The following CHRNB2 variants were observed in gnomAD, a reference collection of about 807,000 sequenced individuals.
CHRNB2 encodes the protein cholinergic receptor nicotinic beta 2 subunit.
A neutral mutation model predicts 42.7 loss-of-function variants in CHRNB2; 33 were observed. The observed-to-expected ratio is 0.77, with a 90% CI of 0.59 to 1.03. The LOEUF (loss-of-function observed/expected upper bound fraction) is 1.03, where lower values mean the gene tolerates loss of function less well. Among genes scored for constraint, CHRNB2 ranks in the 50% least tolerant of loss-of-function variants. The pLI is 0.00. For synonymous variants in CHRNB2, 325 were observed against 292.9 expected (o/e 1.11, Z -1.12); for missense variants, 603 against 700.9 (o/e 0.86, Z 1.58).
intron 5 of CHRNB2, among the ~76,000 whole-genome samples, chr1:154,573,150 A>C (rs1235183577): frequency 2.6e-5 from 4 of 152,162 alleles, no homozygotes; most frequent in Admixed American, 1.3e-4. Context: ...AGCTTGGACC[A>C]GGGAGCATAC....
At chr1:154,574,670 TGTTTGCCA>T (rs1417736615) in intron 5 of CHRNB2, among the ~76,000 whole-genome samples, 1 of 152,218 alleles carries the variant, frequency 6.6e-6, no homozygotes, top group Non-Finnish European at 1.5e-5. Flanking sequence ...CTCAATCCTT[TGTTTGCCA>T]GTGTGGAATT....
At position 154,571,723 on chromosome 1, in the gene CHRNB2, C is replaced by T; in HGVS notation, c.900C>T (p.Tyr300=). Residue 300 remains tyrosine, a synonymous_variant, in exon 5 of 6, where the codon TAC becomes TAT. Transcript: ENST00000368476. The surrounding 1 kb of genome is among the most constrained non-coding windows in gnomAD (Gnocchi z 6.8). ...TCGACGTGCCGCTCGTCGGCAAGTA[C>T]CTCATGTTCACCATGGTGCTTGTCA... ...TSLDVPLVGK[Y]LMFTMVLVTF... is the part of the protein sequence containing the mutation. 1 of 1,614,252 alleles carries T rather than the reference C, an allele frequency of 6.2e-7. No homozygotes were observed. The highest frequency in any genetic ancestry group is 2.2e-5 in the East Asian group (1 of 44,888).
chr1:154,576,496 G>A lies in CHRNB2; in HGVS notation c.*564G>A, dbSNP rs199934611. On this transcript the variant is annotated 3_prime_UTR_variant, in exon 6 of 6. Transcript: ENST00000368476. Reference sequence around the variant, plus strand: ...GATTCCTGCCAAGTAGGGTTTAGCCGGGCCCCATGGTCACAGACCCCTGGG... The same window carrying A: ...GATTCCTGCCAAGTAGGGTTTAGCCAGGCCCCATGGTCACAGACCCCTGGG... 25 of 194,578 alleles carry A rather than the reference G, an allele frequency of 1.3e-4. No homozygotes were observed. In the East Asian group the frequency reaches 2.6e-3, roughly 20 times the overall value. 12.1% of individuals were successfully genotyped at this position (194,578 alleles called of 1,614,324 possible).
intron 3 of CHRNB2, 33 bp downstream of exon 3, chr1:154,569,869 CT>C: frequency 6.2e-7 from 1 of 1,612,932 alleles, no homozygotes; most frequent in Non-Finnish European, 8.5e-7. Context: ...ACCCACACCC[CT>C]GGCCTTCTCT....
intron 5 of CHRNB2, among the ~76,000 whole-genome samples, chr1:154,572,665 G>T (rs556169138): frequency 6.6e-6 from 1 of 152,082 alleles, no homozygotes; most frequent in African/African-American, 2.4e-5. Flanking sequence ...GAGGGGTGGC[G>T]TTGGTGGCGG....
At position 154,567,957 on chromosome 1, in the gene CHRNB2, A is replaced by AGCACC; in HGVS notation, c.-87_-83dup. On this transcript the variant is annotated 5_prime_UTR_variant, in exon 1 of 6. Coordinates refer to ENST00000368476, the MANE Select transcript of CHRNB2 (RefSeq NM_000748.3). ...CCCAGCTCCAGGCGGGCGCGGCTTCAGCACCACGGACAGCGCCCCACCCGC... is the reference window on the plus strand; with the variant it reads ...CCCAGCTCCAGGCGGGCGCGGCTTCAGCACCGCACCACGGACAGCGCCCCACCCGC... 1 of 1,273,678 alleles carries AGCACC rather than the reference A, an allele frequency of 7.9e-7. No individual in the cohort carries two copies. Among genetic ancestry groups the AGCACC allele is most frequent in the Non-Finnish European group, 1.0e-6 (1 of 977,688 alleles). The allele number at this position is 1,273,678 out of a possible 1,614,324, so 78.9% of individuals were successfully genotyped here.
chr1:154,572,265 G>C (rs1370346413), intron 5 of CHRNB2, 104 bp downstream of exon 5: 1 of 1,512,390 alleles, frequency 6.6e-7, no homozygotes, highest in African/African-American at 1.4e-5. Flanking sequence ...GGTAGTAGGA[G>C]TGTAGGGGAG....
chr1:154,570,274 G>A lies in CHRNB2; in HGVS notation c.272G>A (p.Arg91His), dbSNP rs144508607. 43 of 1,610,732 alleles carry A rather than the reference G, an allele frequency of 2.7e-5. No individual in the cohort carries two copies. Among genetic ancestry groups the A allele is most frequent in the Admixed American group, 2.2e-4 (13 of 59,702 alleles). The stretch of plus-strand genomic sequence containing the variant: ...ATTTCCCAGGAGTGGGAAGATTATC[G>A]CCTCACCTGGAAGCCTGAAGAGTTT... ...VWLTQEWEDY[R>H]LTWKPEEFDN... Residue 91 changes from arginine to histidine, a missense_variant, in exon 4 of 6, where the codon CGC (arginine) becomes CAC (histidine). Around this residue, in one of 2 missense-constraint regions of CHRNB2, gnomAD observed 333 missense variants for 452.6 expected, o/e 0.74. Transcript: ENST00000368476.
intron 1 of CHRNB2, 88 bp from the exon 2 acceptor site, chr1:154,569,374 C>A: frequency 6.5e-7 from 1 of 1,532,162 alleles, no homozygotes; most frequent in Non-Finnish European, 9.0e-7. Flanking sequence ...CTGGTTGGGC[C>A]TGGATTGTCC....
chr1:154,578,764 G>T lies in CHRNB2; in HGVS notation c.*2832G>T, dbSNP rs1696331692. On this transcript the variant is annotated 3_prime_UTR_variant, in exon 6 of 6. Transcript: ENST00000368476. ...GGAAGCCCCTATGCCTCCTTCCCGT[G>T]GTGGGGCTATCTCTGCAGAGAATCG... The T allele has an allele frequency of 6.6e-6, 1 of 152,252 alleles. No homozygotes were observed. The highest frequency in any genetic ancestry group is 1.5e-5 in the Non-Finnish European group (1 of 68,054). 9.4% of individuals were successfully genotyped at this position (152,252 alleles called of 1,614,324 possible).
rs776372933 is a variant in CHRNB2 at position 154,571,372 on chromosome 1, C to A, written c.549C>A (p.Ile183=). ...CGTGGACCTACGACCGCACAGAGAT[C>A]GACTTGGTGCTGAAGAGTGAGGTGG... The part of the protein sequence containing the change: ...FRSWTYDRTE[I]DLVLKSEVAS... The change falls in exon 5 of 6, where the codon ATC becomes ATA. Residue 183 remains isoleucine, a synonymous_variant. Transcript: ENST00000368476. This position sits in a 1 kb window ranked among gnomAD's most constrained non-coding sequence, Gnocchi z 6.8. The A allele has an allele frequency of 6.2e-7, 1 of 1,614,230 alleles. No individual in the cohort carries two copies. The highest frequency in any genetic ancestry group is 8.5e-7 in the Non-Finnish European group (1 of 1,180,040).
chr1:154,575,362 A>T (rs1160388997), intron 5 of CHRNB2, among the ~76,000 whole-genome samples: 1 of 152,202 alleles, frequency 6.6e-6, no homozygotes, highest in Non-Finnish European at 1.5e-5. Flanking sequence ...CCTTCAGAGA[A>T]GGTGATGTTT....
In CHRNB2 at chr1:154,568,077, C is replaced by G. The variant is rs927757182; in HGVS notation, c.33C>G (p.Leu11=). 1 of 1,604,516 alleles carries G rather than the reference C, an allele frequency of 6.2e-7. No individual in the cohort carries two copies. The highest frequency in any genetic ancestry group is 2.2e-5 in the East Asian group (1 of 44,468). MARRCGPVAL[L]LGFGLLRLCS... is the part of the protein sequence containing the mutation. Reference sequence around the variant, plus strand: ...GGCGCTGCGGCCCCGTGGCGCTGCTCCTTGGCTTCGGCCTCCTCCGGCTGT... The same window carrying G: ...GGCGCTGCGGCCCCGTGGCGCTGCTGCTTGGCTTCGGCCTCCTCCGGCTGT... The change falls in exon 1 of 6, where the codon CTC becomes CTG. Residue 11 remains leucine, a synonymous_variant. Transcript: ENST00000368476.
chr1:154,569,940 T>C (rs1235331576), intron 3 of CHRNB2, 104 bp downstream of exon 3: 1 of 1,385,842 alleles, frequency 7.2e-7, no homozygotes, highest in Admixed American at 1.8e-5. Flanking sequence ...GGCAGAAAGG[T>C]ATAGAGTTTG....
chr1:154,570,849 CCT>C (rs2101519714), intron 4 of CHRNB2, among the ~76,000 whole-genome samples: 1 of 152,236 alleles, frequency 6.6e-6, no homozygotes, highest in Admixed American at 6.5e-5. Flanking sequence ...TCCTGGCTCC[CCT>C]GACTTCTCCA....
Position 154,576,297 on chromosome 1 carries a change from G to A in CHRNB2, c.*365G>A. ...ATTGTCTGCTGCCTCCAAGTCATGG[G>A]AGAAGAGGGGTATAGGACAAGGGGT... On this transcript the variant is annotated 3_prime_UTR_variant, in exon 6 of 6. Transcript: ENST00000368476. 2.9e-5 allele frequency: 11 copies of A among 376,216 alleles called. No homozygotes were observed. Among genetic ancestry groups the A allele is most frequent in the South Asian group, 2.4e-4 (11 of 46,522 alleles). 23.3% of individuals were successfully genotyped at this position (376,216 alleles called of 1,614,324 possible).
At chr1:154,573,429 T>C (rs1460466340) in intron 5 of CHRNB2, among the ~76,000 whole-genome samples, 1 of 152,222 alleles carries the variant, frequency 6.6e-6, no homozygotes, top group Non-Finnish European at 1.5e-5. Flanking sequence ...GTACACGGCA[T>C]CACCATTCAC....
rs548676903 is a variant in CHRNB2, at chr1:154,578,789, G to C, written c.*2857G>C. ...GGTGGGGCTATCTCTGCAGAGAATC[G>C]GGTGCCCAGCTTAATGCTGGGCAAG... is the stretch of plus-strand genomic sequence containing the variant. On this transcript the variant is annotated 3_prime_UTR_variant, in exon 6 of 6. Transcript: ENST00000368476. The C allele has an allele frequency of 6.6e-6, 1 of 152,296 alleles. No individual in the cohort carries two copies. Among genetic ancestry groups the C allele is most frequent in the African/African-American group, 2.4e-5 (1 of 41,556 alleles). The allele number at this position is 152,296 out of a possible 1,614,324, so 9.4% of individuals were successfully genotyped here. A position where few individuals can be genotyped will look rare whatever the true frequency, so the allele number is the denominator to read the frequency against.
Position 154,572,047 on chromosome 1 carries a change from A to T in CHRNB2, c.1224A>T (p.Ala408=). 1 of 1,534,894 alleles carries T rather than the reference A, an allele frequency of 6.5e-7. No individual in the cohort carries two copies. The highest frequency in any genetic ancestry group is 1.2e-5 in the South Asian group (1 of 83,934). Residue 408 remains alanine, a synonymous_variant, in exon 5 of 6, where the codon GCA becomes GCT. Transcript: ENST00000368476. ...GLAGAFGAEP[A]PVAGPGRSGE... ...CCGGGGCCTTCGGGGCTGAGCCTGC[A>T]CCAGTGGCGGGCCCCGGGCGCTCAG...
Sources: gnomAD v4.1 joint callset for allele counts (sites outside exome capture counted in the v4.1 genomes callset) on GRCh38, gnomAD v4.1.1 for gene constraint, gnomAD v4.1.1 regional missense constraint, Gnocchi (gnomAD v3.1) non-coding constraint, MANE v1.5 for transcripts, NCBI Gene and HGNC (gene_info 2026-07-23, HGNC 2026-07-21) for gene names.